The following ABCA13 variants were observed in gnomAD, a reference collection of about 807,000 sequenced individuals.
ABCA13 encodes ATP binding cassette subfamily A member 13, also known as ATP-binding cassette sub-family A member 13.
In ABCA13, 476 loss-of-function variants were observed where a neutral mutation model predicts 478.7. The ratio of observed to expected loss-of-function variants is 0.99; its 90% CI spans 0.92 to 1.07. The LOEUF (loss-of-function observed/expected upper bound fraction) is 1.07. ABCA13 is among the 50% of genes least tolerant of loss of function. The pLI is 0.00. For missense variants in ABCA13, 6,060 were observed against 5,910.6 expected (o/e 1.03, Z -0.83); for synonymous variants, 2,252 against 2,158.9 (o/e 1.04, Z -1.20).
At position 48,371,006 on chromosome 7, in the gene ABCA13, G is replaced by A. The variant is rs1812544989; in HGVS notation, c.10804-1162G>A. 2.0e-5 allele frequency among the ~76,000 whole-genome samples: 3 copies of A among 152,116 alleles called. 1 individual carries two copies. The South Asian group carries it at 6.2e-4, about 31-fold the overall frequency. On this transcript the variant is annotated intron_variant, in intron 32 of 61. Coordinates refer to ENST00000435803, the MANE Select transcript of ABCA13 (RefSeq NM_152701.5). ...TCAATTTTCTGCATATGGCTAGCCA[G>A]TTTTCCTGGTACCATTTATTAAATA...
chr7:48,191,885 T>C (rs1033841021), intron 1 of ABCA13, among the ~76,000 whole-genome samples: 2 of 152,198 alleles, frequency 1.3e-5, no homozygotes, highest in Non-Finnish European at 2.9e-5. Flanking sequence ...GAAACCAAAG[T>C]GACCAGAAGT....
rs748817316 is a variant in ABCA13 at position 48,274,706 on chromosome 7, T to C, written c.5040T>C (p.Asp1680=). Residue 1680 remains aspartate (D), a synonymous_variant, in exon 17 of 62, where the codon GAT becomes GAC. Coordinates refer to ENST00000435803, the MANE Select transcript of ABCA13 (RefSeq NM_152701.5). ...AGGCAGACATAGACCTTTTAGTGGA[T>C]CAGCTTGAACAAGTTAGTGTAAACC... ...LKKADIDLLV[D]QLEQVSVNLM... 7 of 1,613,864 alleles carry C rather than the reference T, an allele frequency of 4.3e-6. No homozygotes were observed. The African/African-American group carries it at 9.3e-5, about 22-fold the overall frequency.
intron 58 of ABCA13, among the ~76,000 whole-genome samples, chr7:48,596,911 A>G (rs67021109): frequency 0.28 from 43,238 of 151,984 alleles, 6,482 homozygotes; most frequent in Admixed American, 0.37. Flanking sequence ...TAACTGAATC[A>G]TATAATCAGT....
intron 42 of ABCA13, among the ~76,000 whole-genome samples, chr7:48,436,119 G>T (rs1033461247): frequency 5.3e-5 from 8 of 151,426 alleles, no homozygotes; most frequent in African/African-American, 1.7e-4. Flanking sequence ...TATAGGTTTG[G>T]TAGAATTTAC....
At chr7:48,368,515 G>A (rs1329009052) in intron 32 of ABCA13, among the ~76,000 whole-genome samples, 2 of 151,644 alleles carry the variant, frequency 1.3e-5, no homozygotes, top group African/African-American at 2.4e-5. Context: ...ATACCTTTGT[G>A]TCTCATAGCT....
chr7:48,276,575 C>T lies in ABCA13; in HGVS notation c.6899+10C>T. 3 of 1,607,598 alleles carry T rather than the reference C, an allele frequency of 1.9e-6. No homozygotes were observed. Among genetic ancestry groups the T allele is most frequent in the Non-Finnish European group, 2.5e-6 (3 of 1,177,088 alleles). On this transcript the variant is annotated intron_variant, in intron 17 of 61. Transcript: ENST00000435803. ...TTATTGCAGAGATGAGGTGAGTATA[C>T]TTTTGCTTTGTGTCATATATGCAGT...
chr7:48,633,973 T>C (rs556930545), intron 59 of ABCA13, among the ~76,000 whole-genome samples: 3 of 141,640 alleles, frequency 2.1e-5, no homozygotes, highest in Admixed American at 6.9e-5. Context: ...GATAGATAGA[T>C]AGATAGATGA....
At chr7:48,474,500 A>G (rs183757394) in intron 45 of ABCA13, among the ~76,000 whole-genome samples, 75 of 152,318 alleles carry the variant, frequency 4.9e-4, no homozygotes, top group Middle Eastern at 3.4e-3. Flanking sequence ...CATTCTTCAC[A>G]CTTCTTTTCT....
chr7:48,399,605 G>A (rs934617331), intron 38 of ABCA13, among the ~76,000 whole-genome samples: 1 of 152,226 alleles, frequency 6.6e-6, no homozygotes, highest in Non-Finnish European at 1.5e-5. Flanking sequence ...GAGTAAATGG[G>A]ATTGGTGGAG....
chr7:48,308,917 T>TAGG (rs756233142), intron 23 of ABCA13, among the ~76,000 whole-genome samples: 1 of 147,492 alleles, frequency 6.8e-6, no homozygotes, highest in Non-Finnish European at 1.5e-5. Context: ...CCAAGGTATG[T>TAGG]AGGAGGCTGT....
intron 38 of ABCA13, among the ~76,000 whole-genome samples, chr7:48,396,091 G>A (rs973808734): frequency 6.6e-6 from 1 of 152,242 alleles, no homozygotes; most frequent in African/African-American, 2.4e-5. Flanking sequence ...CTGCCGGCCT[G>A]TGCTCCTGCC....
In ABCA13 at chr7:48,388,795, AT is replaced by A. The variant is rs201889296; in HGVS notation, c.11474-237del. On this transcript the variant is annotated intron_variant, in intron 36 of 61. Transcript: ENST00000435803. ...AACAAAAATACATGTGTGTGTTTTT[AT>A]TTTTTTTATTTTTTACAAAATGGTT... Among the ~76,000 whole-genome samples, 283 of 151,856 alleles carry A rather than the reference AT, an allele frequency of 1.9e-3. 5 individuals are homozygous for A. In the East Asian group the frequency reaches 0.039, roughly 21 times the overall value.
intron 31 of ABCA13, among the ~76,000 whole-genome samples, chr7:48,357,252 C>A (rs569750255): frequency 1.1e-3 from 169 of 152,074 alleles, no homozygotes; most frequent in African/African-American, 3.9e-3. Flanking sequence ...CTTCCTTGGG[C>A]TCTACTTCAG....
chr7:48,350,974 G>T (rs1808883114), intron 30 of ABCA13, among the ~76,000 whole-genome samples, 155 bp downstream of exon 30: 1 of 152,164 alleles, frequency 6.6e-6, no homozygotes, highest in South Asian at 2.1e-4. Flanking sequence ...GTTTACCTTG[G>T]ATAAAACATA....
At chr7:48,289,523 T>C (rs1798221524) in intron 20 of ABCA13, among the ~76,000 whole-genome samples, 1 of 152,002 alleles carries the variant, frequency 6.6e-6, no homozygotes, top group Non-Finnish European at 1.5e-5. Flanking sequence ...CACGCCTGGC[T>C]AATTTTTTGT....
chr7:48,331,759 CGT>C (rs1267009157), intron 27 of ABCA13, among the ~76,000 whole-genome samples: 3 of 152,004 alleles, frequency 2.0e-5, no homozygotes, highest in African/African-American at 4.8e-5. Flanking sequence ...TGTGTGTGTG[CGT>C]GTGTGTATTT....
chr7:48,324,505 G>T (rs943264594), intron 27 of ABCA13, among the ~76,000 whole-genome samples: 1 of 152,308 alleles, frequency 6.6e-6, no homozygotes, highest in Non-Finnish European at 1.5e-5. Flanking sequence ...TCTTTGGAAT[G>T]ATCTTTTACC....
Position 48,465,167 on chromosome 7 carries a change from G to T in ABCA13, c.12816-1789G>T, listed in dbSNP as rs61164845. The stretch of plus-strand genomic sequence containing the variant: ...AGGGATTCAAATACTATTTCAAAAC[G>T]CATAGGTAACAAGAAGCCATTGATA... On this transcript the variant is annotated intron_variant, in intron 43 of 61. Transcript: ENST00000435803. Among the ~76,000 whole-genome samples the T allele has an allele frequency of 2.6e-5, 4 of 152,260 alleles. No homozygotes were observed. In the South Asian group the frequency reaches 8.3e-4, roughly 32 times the overall value.
intron 41 of ABCA13, among the ~76,000 whole-genome samples, chr7:48,418,328 C>T (rs1294651697): frequency 2.6e-5 from 4 of 152,198 alleles, no homozygotes; most frequent in Middle Eastern, 3.2e-3. Flanking sequence ...TTCTGTTGTT[C>T]CATATTCTTG....
Sources: gnomAD v4.1 joint callset for allele counts (sites outside exome capture counted in the v4.1 genomes callset) on GRCh38, gnomAD v4.1.1 for gene constraint, MANE v1.5 for transcripts, NCBI Gene and HGNC (gene_info 2026-07-23, HGNC 2026-07-21) for gene names.